Variants in GPHN observed in about 807,000 individuals in gnomAD.
GPHN encodes the protein gephyrin.
GPHN carries 17 observed loss-of-function variants against 95.5 expected under a neutral mutation model. The observed-to-expected ratio is 0.18, with a 90% CI of 0.12 to 0.27. The LOEUF (loss-of-function observed/expected upper bound fraction) is 0.27, where lower values mean the gene tolerates loss of function less well. Among genes scored for constraint, GPHN ranks in the 10% least tolerant of loss-of-function variants. GPHN has a pLI of 1.00. For synonymous variants in GPHN, 320 were observed against 322.5 expected, an observed-to-expected ratio of 0.99 and a Z score of 0.08; for missense variants, 660 against 978.1, an observed-to-expected ratio of 0.67 and a Z score of 4.34.
At chr14:67,585,478 T>C in the GPHN span, 1 of 822,742 alleles carries the variant, frequency 1.2e-6, no homozygotes, top group Non-Finnish European at 2.0e-6. Context: ...GCTTAGCAGA[T>C]CCCTGGATGT....
the GPHN span, among the ~76,000 whole-genome samples, chr14:67,193,051 T>C: frequency 1.4e-5 from 2 of 145,372 alleles, no homozygotes; most frequent in South Asian, 4.5e-4. Context: ...TAGATATAGA[T>C]ATATCTCTAT....
chr14:66,513,656 G>A (rs988468544), intron 1 of GPHN, among the ~76,000 whole-genome samples: 5 of 151,824 alleles, frequency 3.3e-5, no homozygotes, highest in Non-Finnish European at 7.4e-5. Flanking sequence ...CAAGGAAGAA[G>A]AAAAGATTGT....
At chr14:67,722,808 C>CA in the GPHN span, 4 of 1,043,674 alleles carry the variant, frequency 3.8e-6, no homozygotes, top group Non-Finnish European at 6.0e-6. Flanking sequence ...AGGAGGCTGA[C>CA]AGAGGAGAAA....
chr14:66,745,461 C>A (rs2058103960), intron 2 of GPHN, among the ~76,000 whole-genome samples: 1 of 151,868 alleles, frequency 6.6e-6, no homozygotes, highest in Non-Finnish European at 1.5e-5. Flanking sequence ...AACATACAAA[C>A]CTATTTTTAG....
At chr14:66,708,865 T>A (rs539693293) in intron 2 of GPHN, among the ~76,000 whole-genome samples, 134 of 151,634 alleles carry the variant, frequency 8.8e-4, no homozygotes, top group Non-Finnish European at 7.4e-4. Context: ...AAAGTCCCTA[T>A]CATCAATATT....
At chr14:67,044,478 AT>A (rs796868840) in intron 10 of GPHN, among the ~76,000 whole-genome samples, 1 of 151,996 alleles carries the variant, frequency 6.6e-6, no homozygotes, top group African/African-American at 2.4e-5. Context: ...GAATTCACCA[AT>A]TTTTAGGAAG....
the GPHN span, among the ~76,000 whole-genome samples, chr14:67,225,667 G>T: frequency 6.6e-6 from 1 of 152,106 alleles, no homozygotes; most frequent in Admixed American, 6.5e-5. Context: ...CTGCAGGGCT[G>T]TCATGTACAG....
At position 66,529,446 on chromosome 14, in the gene GPHN, T is replaced by C. The variant is rs112757149; in HGVS notation, c.64+20855T>C. ...CTCGGAGGAGTTCATTACTACCCAC[T>C]TTCTGAAGCCTACTTTTGTCAATTC... is the stretch of plus-strand genomic sequence containing the variant. On this transcript the variant is annotated intron_variant, in intron 1 of 22. Transcript: ENST00000478722. Among the ~76,000 whole-genome samples, 554 of 152,164 alleles carry C rather than the reference T, an allele frequency of 3.6e-3. 12 individuals carry two copies. Among genetic ancestry groups the C allele is most frequent in the African/African-American group, 0.013 (528 of 41,558 alleles).
chr14:67,584,454 A>G, the GPHN span, among the ~76,000 whole-genome samples: 1 of 152,242 alleles, frequency 6.6e-6, no homozygotes, highest in Non-Finnish European at 1.5e-5. Flanking sequence ...CTAAACAAAT[A>G]CATCTCCACT....
the GPHN span, among the ~76,000 whole-genome samples, chr14:67,629,132 G>C: frequency 6.6e-6 from 1 of 152,294 alleles, no homozygotes; most frequent in South Asian, 2.1e-4. Context: ...CCAGGAGTTT[G>C]AGACCAGCCT....
chr14:67,425,798 CAG>C, the GPHN span, among the ~76,000 whole-genome samples: 1 of 152,090 alleles, frequency 6.6e-6, no homozygotes. Flanking sequence ...CTTCCAGACA[CAG>C]GGTAGAACCA....
At chr14:66,886,458 A>T (rs1194750347) in intron 5 of GPHN, among the ~76,000 whole-genome samples, 1 of 152,124 alleles carries the variant, frequency 6.6e-6, no homozygotes, top group Non-Finnish European at 1.5e-5. Context: ...CAATGTACTC[A>T]GGAGTTCTAA....
At chr14:67,321,148 A>G in the GPHN span, 45 of 1,614,100 alleles carry the variant, frequency 2.8e-5, no homozygotes, top group Non-Finnish European at 5.9e-6. Context: ...TAGCAGCTGG[A>G]AAGTTCATTG....
At chr14:67,585,774 C>T in the GPHN span, 2 of 986,878 alleles carry the variant, frequency 2.0e-6, no homozygotes, top group East Asian at 2.5e-5. Flanking sequence ...CCCACTCCTG[C>T]CCAAGCACCA....
At chr14:67,354,726 A>G in the GPHN span, among the ~76,000 whole-genome samples, 1 of 152,382 alleles carries the variant, frequency 6.6e-6, no homozygotes, top group South Asian at 2.1e-4. Flanking sequence ...AGGATTCACA[A>G]AAACTGGCAA....
chr14:66,840,870 T>C (rs768675002), intron 4 of GPHN, among the ~76,000 whole-genome samples: 78 of 151,142 alleles, frequency 5.2e-4, no homozygotes, highest in Middle Eastern at 3.2e-3. Context: ...TCATAGTATG[T>C]GAGCTTTCAG....
intron 13 of GPHN, among the ~76,000 whole-genome samples, chr14:67,109,899 A>G (rs569207802): frequency 5.9e-5 from 9 of 152,344 alleles, no homozygotes; most frequent in African/African-American, 2.2e-4. Context: ...GCAGAGCACC[A>G]AGACACCGAA....
chr14:66,720,333 C>T (rs2153427288), intron 2 of GPHN, among the ~76,000 whole-genome samples: 1 of 152,276 alleles, frequency 6.6e-6, no homozygotes, highest in African/African-American at 2.4e-5. Flanking sequence ...ATGGGCAGAT[C>T]ACATGAGACC....
At position 66,626,801 on chromosome 14, in the gene GPHN, C is replaced by A. The variant is rs79231968; in HGVS notation, c.65-54306C>A. On this transcript the variant is annotated intron_variant, in intron 1 of 22. Transcript: ENST00000478722. ...ATAATTCAATTTGAGGTACTTGTAA[C>A]TGAATTGGATTCATGTCTACTGGAG... Among the ~76,000 whole-genome samples the A allele has an allele frequency of 5.5e-3, 836 of 152,082 alleles. 10 individuals carry two copies. The highest frequency in any genetic ancestry group is 0.019 in the African/African-American group (793 of 41,510).
Sources: gnomAD v4.1 joint callset for allele counts (sites outside exome capture counted in the v4.1 genomes callset) on GRCh38, gnomAD v4.1.1 for gene constraint, MANE v1.5 for transcripts, NCBI Gene and HGNC (gene_info 2026-07-23, HGNC 2026-07-21) for gene names.